The following WARS2 variants were observed in gnomAD, a reference collection of about 807,000 sequenced individuals.
WARS2 encodes tryptophan--tRNA ligase, mitochondrial.
A neutral mutation model predicts 36.5 loss-of-function variants in WARS2; 28 were observed. The observed-to-expected ratio is 0.77, with a 90% CI of 0.57 to 1.05. The LOEUF is 1.05. Ranked by LOEUF, WARS2 falls within the 50% of genes least tolerant of loss-of-function variation. WARS2 has a pLI of 0.00. For synonymous variants in WARS2, 174 were observed against 178.4 expected (o/e 0.98, Z 0.20); for missense variants, 435 against 456.8 (o/e 0.95, Z 0.44).
intron 4 of WARS2, among the ~76,000 whole-genome samples, chr1:119,037,656 G>A (rs1033158686): frequency 6.6e-6 from 1 of 152,190 alleles, no homozygotes; most frequent in Admixed American, 6.5e-5. Flanking sequence ...AAAGATTTAA[G>A]GCCACCAGGA....
chr1:119,085,401 G>C, intron 1 of WARS2: 1 of 1,415,770 alleles, frequency 7.1e-7, no homozygotes, highest in South Asian at 1.2e-5. Flanking sequence ...CTTGCTTCTG[G>C]GTGACGAAGA....
Position 119,032,838 on chromosome 1 carries a change from T to C in WARS2, c.*73A>G. Reference sequence around the variant, plus strand: ...GTCCCAAAACTATAACTTTTTCTTTTTAGGAAAGCTGCCGTTATCAGAATG... The same window carrying C: ...GTCCCAAAACTATAACTTTTTCTTTCTAGGAAAGCTGCCGTTATCAGAATG... On this transcript the variant is annotated 3_prime_UTR_variant, in exon 6 of 6. Transcript: ENST00000235521. 2.1e-6 allele frequency: 3 copies of C among 1,410,460 alleles called. No homozygotes were observed. In the South Asian group the frequency reaches 4.1e-5, roughly 19 times the overall value. 87.4% of individuals were successfully genotyped at this position (1,410,460 alleles called of 1,614,324 possible).
intron 2 of WARS2, among the ~76,000 whole-genome samples, chr1:119,046,221 G>A (rs1203617278): frequency 3.4e-5 from 5 of 148,150 alleles, no homozygotes; most frequent in Non-Finnish European, 5.9e-5. Flanking sequence ...ACCCCAAAAG[G>A]TATTTTTATA....
intron 1 of WARS2, chr1:119,084,979 C>A: frequency 2.0e-6 from 1 of 496,856 alleles, no homozygotes; most frequent in African/African-American, 1.9e-5. Flanking sequence ...TCCAAATCTA[C>A]CGAGCAGCTG....
chr1:119,085,902 A>G, intron 1 of WARS2: 1 of 1,610,442 alleles, frequency 6.2e-7, no homozygotes, highest in Non-Finnish European at 8.5e-7. Flanking sequence ...CCCAAGCTGG[A>G]CCTCTCGCTC....
rs1647461354 is a variant in WARS2 at position 119,031,943 on chromosome 1, AAAC to A, written c.*965_*967del. 1 of 152,760 alleles carries A rather than the reference AAAC, an allele frequency of 6.5e-6. No homozygotes were observed. The highest frequency in any genetic ancestry group is 1.9e-4 in the East Asian group (1 of 5,198). 9.5% of individuals were successfully genotyped at this position (152,760 alleles called of 1,614,324 possible). ...CCATTGGCTGAATTGATGATATAAAAAACATCATCAGTCGTTCCAACACCCACC... is the reference window on the plus strand; with the variant it reads ...CCATTGGCTGAATTGATGATATAAAAATCATCAGTCGTTCCAACACCCACC... On this transcript the variant is annotated 3_prime_UTR_variant, in exon 6 of 6. Coordinates refer to ENST00000235521, the MANE Select transcript of WARS2 (RefSeq NM_015836.4).
chr1:119,119,306 A>T (rs1440573627), intron 1 of WARS2, among the ~76,000 whole-genome samples: 1 of 152,188 alleles, frequency 6.6e-6, no homozygotes, highest in Non-Finnish European at 1.5e-5. Flanking sequence ...AAGTAACAAC[A>T]GTTAAAAAAG....
intron 1 of WARS2, among the ~76,000 whole-genome samples, chr1:119,078,094 A>G (rs1233448287): frequency 6.6e-6 from 1 of 152,204 alleles, no homozygotes; most frequent in Non-Finnish European, 1.5e-5. Context: ...TAGATTGCCC[A>G]TGGTCACACA....
intron 2 of WARS2, among the ~76,000 whole-genome samples, chr1:119,059,856 G>A (rs908007031): frequency 2.0e-5 from 3 of 152,140 alleles, no homozygotes; most frequent in Admixed American, 1.3e-4. Flanking sequence ...AATGCTGCAC[G>A]TTCTTACTTA....
chr1:119,034,787 T>C (rs1891141), intron 4 of WARS2, among the ~76,000 whole-genome samples: 116,882 of 152,172 alleles, frequency 0.77, 45,176 homozygotes, highest in East Asian at 0.87. Flanking sequence ...TTAAAATCTA[T>C]AAGTACAATG....
intron 1 of WARS2, among the ~76,000 whole-genome samples, chr1:119,125,807 A>G (rs1655615244): frequency 6.6e-6 from 1 of 152,214 alleles, no homozygotes; most frequent in African/African-American, 2.4e-5. Context: ...CTGTTCTCCA[A>G]GAGAGTTCAA....
At chr1:119,059,938 G>C (rs1650239246) in intron 2 of WARS2, among the ~76,000 whole-genome samples, 3 of 152,096 alleles carry the variant, frequency 2.0e-5, no homozygotes, top group African/African-American at 7.2e-5. Flanking sequence ...CCTTTCAAAG[G>C]GTGGAGGGTA....
chr1:119,083,455 A>G (rs1652372742), intron 1 of WARS2, among the ~76,000 whole-genome samples: 3 of 152,200 alleles, frequency 2.0e-5, no homozygotes, highest in Admixed American at 2.0e-4. Flanking sequence ...TGTTCTTCAT[A>G]AATTACCCAG....
chr1:119,081,141 C>T (rs1156290402), intron 1 of WARS2, among the ~76,000 whole-genome samples: 1 of 152,182 alleles, frequency 6.6e-6, no homozygotes, highest in Non-Finnish European at 1.5e-5. Flanking sequence ...AAAGGTAGAG[C>T]ATACTTATCA....
intron 1 of WARS2, among the ~76,000 whole-genome samples, chr1:119,131,997 T>C (rs1656151693): frequency 6.6e-6 from 1 of 152,088 alleles, no homozygotes; most frequent in African/African-American, 2.4e-5. Context: ...TTATATATTA[T>C]TGAAGAAGTC....
intron 1 of WARS2, among the ~76,000 whole-genome samples, chr1:119,132,604 T>C (rs1161988653): frequency 6.6e-6 from 1 of 152,130 alleles, no homozygotes; most frequent in Non-Finnish European, 1.5e-5. Flanking sequence ...ACTATTATAT[T>C]CTCCTGCTTC....
At chr1:119,033,483 TG>T (rs1647621489) in intron 5 of WARS2, 124 bp from the exon 6 acceptor site, 1 of 1,206,234 alleles carries the variant, frequency 8.3e-7, no homozygotes, top group African/African-American at 1.5e-5. Context: ...AACTTTACAG[TG>T]GTGCAAATGT....
chr1:119,076,274 G>A, intron 2 of WARS2, 76 bp downstream of exon 2: 2 of 1,558,864 alleles, frequency 1.3e-6, no homozygotes, highest in Non-Finnish European at 1.7e-6. Flanking sequence ...AGCAGGGGCT[G>A]TATGAACCAT....
chr1:119,134,886 C>T (rs1459611134), intron 1 of WARS2, among the ~76,000 whole-genome samples: 1 of 152,138 alleles, frequency 6.6e-6, no homozygotes, highest in Non-Finnish European at 1.5e-5. Flanking sequence ...AAGAAAAGAA[C>T]TAGAGTAAGT....
Sources: allele counts gnomAD v4.1 joint callset (sites outside exome capture counted in the v4.1 genomes callset), GRCh38; gene constraint gnomAD v4.1.1; transcripts MANE v1.5; gene names NCBI Gene and HGNC (gene_info 2026-07-23, HGNC 2026-07-21).